The following SLC25A17 variants were observed in gnomAD, a reference collection of about 807,000 sequenced individuals.
SLC25A17 encodes the protein solute carrier family 25 member 17.
SLC25A17 carries 26 observed loss-of-function variants against 38.5 expected under a neutral mutation model. The observed-to-expected ratio is 0.68, with a 90% confidence interval of 0.50 to 0.94. The LOEUF (loss-of-function observed/expected upper bound fraction) is 0.94. Among genes scored for constraint, SLC25A17 ranks in the 40% least tolerant of loss-of-function variants. SLC25A17 has a pLI of 0.00. For missense variants in SLC25A17, 333 were observed against 372.7 expected (o/e 0.89, Z 0.88); for synonymous variants, 139 against 136.2 (o/e 1.02, Z -0.14).
chr22:40,779,116 T>C lies in SLC25A17; in HGVS notation c.344A>G (p.Asn115Ser). Residue 115 changes from asparagine (N) to serine (S), a missense_variant, in exon 5 of 9, where the codon AAT (asparagine) becomes AGT (serine). Coordinates refer to ENST00000435456, the MANE Select transcript of SLC25A17 (RefSeq NM_006358.4). ...LVVGFVAGVV[N>S]VLLTTPLWVV... ...CCAGAGTGGAGTTGTTAGCAACACA[T>C]TAACCACTCCTTTAACAAGAAAGAT... The C allele has an allele frequency of 6.2e-7, 1 of 1,614,218 alleles. No homozygotes were observed. Among genetic ancestry groups the C allele is most frequent in the Non-Finnish European group, 8.5e-7 (1 of 1,180,042 alleles).
rs117563595 is a variant in SLC25A17, at chr22:40,781,695, T to C, written c.335-2570A>G. 2.1e-3 allele frequency among the ~76,000 whole-genome samples: 322 copies of C among 152,206 alleles called. 8 individuals are homozygous for C. In the East Asian group the frequency reaches 0.055, roughly 26 times the overall value. On this transcript the variant is annotated intron_variant, in intron 4 of 8. Coordinates refer to ENST00000435456, the MANE Select transcript of SLC25A17 (RefSeq NM_006358.4). ...CTTTTTTTCACTCTCTAAGCCAAAA[T>C]AGATGGAGGAGTATTTTTTAACCAG...
Position 40,779,008 on chromosome 22 carries a change from C to A in SLC25A17, c.451+1G>T. On this transcript the variant is annotated splice_donor_variant, in intron 5 of 8. Coordinates refer to ENST00000435456, the MANE Select transcript of SLC25A17 (RefSeq NM_006358.4). LOFTEE classifies it high-confidence loss of function. ...TAGGAATTCAGCAAAGAGATACTTA[C>A]CAATGATACCTTTGTAGTTTGTTGG... The A allele has an allele frequency of 6.2e-7, 1 of 1,608,574 alleles. No homozygotes were observed. Among genetic ancestry groups the A allele is most frequent in the Non-Finnish European group, 8.5e-7 (1 of 1,175,168 alleles).
At chr22:40,801,127 A>T (rs535785926) in intron 1 of SLC25A17, among the ~76,000 whole-genome samples, 104 of 65,988 alleles carry the variant, frequency 1.6e-3, no homozygotes, top group African/African-American at 6.8e-3. Flanking sequence ...AAAATATATT[A>T]CATATATATA....
At position 40,774,080 on chromosome 22, in the gene SLC25A17, A is replaced by T. The variant is rs377648600; in HGVS notation, c.694-61T>A. 343 of 990,710 alleles carry T rather than the reference A, an allele frequency of 3.5e-4. 1 individual carries two copies. The African/African-American group carries it at 5.0e-3, about 14-fold the overall frequency. The allele number at this position is 990,710 out of a possible 1,614,324, so 61.4% of individuals were successfully genotyped here. On this transcript the variant is annotated intron_variant, in intron 7 of 8. Coordinates refer to ENST00000435456, the MANE Select transcript of SLC25A17 (RefSeq NM_006358.4). ...GCTGTTTTTTAAAATCTTCATTTTTACCTGGGGAGGATATTATGTTGGAGT... is the reference window on the plus strand; with the variant it reads ...GCTGTTTTTTAAAATCTTCATTTTTTCCTGGGGAGGATATTATGTTGGAGT...
chr22:40,790,340 CAAAAAAAA>C (rs138301), intron 4 of SLC25A17, among the ~76,000 whole-genome samples: 1 of 61,208 alleles, frequency 1.6e-5, no homozygotes, highest in Non-Finnish European at 3.0e-5. Flanking sequence ...GACACAATCT[CAAAAAAAA>C]AAAAAAAAAA....
intron 1 of SLC25A17, among the ~76,000 whole-genome samples, chr22:40,818,344 C>T (rs1384066524): frequency 6.6e-6 from 1 of 152,096 alleles, no homozygotes; most frequent in Non-Finnish European, 1.5e-5. Context: ...AACCTAGACA[C>T]CAGAAGCCCA....
chr22:40,807,830 A>T (rs987970137), intron 1 of SLC25A17, among the ~76,000 whole-genome samples: 6 of 152,184 alleles, frequency 3.9e-5, no homozygotes, highest in Admixed American at 2.6e-4. Flanking sequence ...GGGACTTGCT[A>T]TATTTGTCTC....
intron 1 of SLC25A17, among the ~76,000 whole-genome samples, chr22:40,801,692 G>A (rs73424699): frequency 0.011 from 1,743 of 152,292 alleles, 37 homozygotes; most frequent in African/African-American, 0.04. Flanking sequence ...ATCTTCAGGA[G>A]GCAATTTCCA....
At chr22:40,793,764 T>A (rs908813743) in intron 3 of SLC25A17, among the ~76,000 whole-genome samples, 1 of 152,086 alleles carries the variant, frequency 6.6e-6, no homozygotes, top group African/African-American at 2.4e-5. Context: ...AGGCATGCGC[T>A]ACCACGCCCG....
chr22:40,793,353 C>T (rs967357020), intron 3 of SLC25A17, among the ~76,000 whole-genome samples: 12 of 152,156 alleles, frequency 7.9e-5, no homozygotes, highest in Non-Finnish European at 1.8e-4. Context: ...TGATAAAGCA[C>T]AGGATATTTG....
intron 7 of SLC25A17, 43 bp downstream of exon 7, chr22:40,776,997 C>T (rs759352080): frequency 7.3e-6 from 11 of 1,501,650 alleles, no homozygotes; most frequent in East Asian, 4.5e-5. Flanking sequence ...TACATGTATT[C>T]GAATGCTGTT....
chr22:40,808,838 AATC>A (rs2057552518), intron 1 of SLC25A17, among the ~76,000 whole-genome samples: 1 of 152,244 alleles, frequency 6.6e-6, no homozygotes. Context: ...TTTTCATAAG[AATC>A]ATTATGAAAT....
chr22:40,782,052 T>C (rs796162826), intron 4 of SLC25A17, among the ~76,000 whole-genome samples: 19 of 152,246 alleles, frequency 1.2e-4, no homozygotes, highest in African/African-American at 4.6e-4. Context: ...AAACCCTGTT[T>C]CTACTAAGAA....
chr22:40,781,337 C>G (rs951843382), intron 4 of SLC25A17, among the ~76,000 whole-genome samples: 1 of 152,084 alleles, frequency 6.6e-6, no homozygotes, highest in South Asian at 2.1e-4. Flanking sequence ...GCTCCGCCTC[C>G]CCGGCTCACA....
intron 4 of SLC25A17, among the ~76,000 whole-genome samples, chr22:40,790,340 C>CAAAAA (rs138301): frequency 3.3e-5 from 2 of 61,208 alleles, no homozygotes; most frequent in Admixed American, 2.2e-4. Flanking sequence ...GACACAATCT[C>CAAAAA]AAAAAAAAAA....
At chr22:40,798,968 A>G in intron 2 of SLC25A17, 55 bp downstream of exon 2, 1 of 1,158,506 alleles carries the variant, frequency 8.6e-7, no homozygotes, top group Non-Finnish European at 1.3e-6. Flanking sequence ...AGAAATTACT[A>G]GCGAAAATGT....
At chr22:40,813,586 T>C (rs1051248052) in intron 1 of SLC25A17, among the ~76,000 whole-genome samples, 3 of 149,110 alleles carry the variant, frequency 2.0e-5, no homozygotes, top group Non-Finnish European at 4.4e-5. Flanking sequence ...TAGCCGGGTG[T>C]GGTGGCAGAC....
intron 1 of SLC25A17, among the ~76,000 whole-genome samples, chr22:40,812,442 A>G (rs2057592072): frequency 1.3e-5 from 2 of 152,202 alleles, no homozygotes; most frequent in African/African-American, 4.8e-5. Context: ...ATAGATAAGA[A>G]CATACATAAA....
At chr22:40,776,862 C>T (rs2057248355) in intron 7 of SLC25A17, among the ~76,000 whole-genome samples, 178 bp downstream of exon 7, 1 of 151,902 alleles carries the variant, frequency 6.6e-6, no homozygotes, top group Non-Finnish European at 1.5e-5. Flanking sequence ...CCACGGTACT[C>T]CAACCTGGGT....
Sources: allele counts gnomAD v4.1 joint callset (sites outside exome capture counted in the v4.1 genomes callset), GRCh38; gene constraint gnomAD v4.1.1; transcripts MANE v1.5; gene names NCBI Gene and HGNC (gene_info 2026-07-23, HGNC 2026-07-21).